The following UBAC1 variants were observed in gnomAD, a reference collection of about 807,000 sequenced individuals.
The protein encoded by UBAC1 is ubiquitin-associated domain-containing protein 1.
UBAC1 carries 27 observed loss-of-function variants against 45.9 expected under a neutral mutation model. The ratio of observed to expected loss-of-function variants is 0.59; its 90% CI spans 0.43 to 0.81. The LOEUF is 0.81. UBAC1 is among the 30% of genes least tolerant of loss of function. The pLI, the probability that UBAC1 is intolerant of heterozygous loss-of-function variation, is 0.00. For synonymous variants in UBAC1, 227 were observed against 215.5 expected, an observed-to-expected ratio of 1.05 and a Z score of -0.47; for missense variants, 529 against 539.2, an observed-to-expected ratio of 0.98 and a Z score of 0.19.
chr9:135,953,640 C>T (rs2131093082), intron 3 of UBAC1, 40 bp downstream of exon 3: 1 of 1,573,340 alleles, frequency 6.4e-7, no homozygotes, highest in Non-Finnish European at 8.7e-7. Context: ...ATGTAGACTT[C>T]TACCAACCAA....
chr9:135,939,790 G>A (rs1392751483), intron 7 of UBAC1, 31 bp from the exon 8 acceptor site: 4 of 1,595,234 alleles, frequency 2.5e-6, no homozygotes, highest in South Asian at 1.1e-5. Flanking sequence ...TAGCTCGCTG[G>A]GGGCGGCAGG....
intron 9 of UBAC1, among the ~76,000 whole-genome samples, chr9:135,934,672 TAAAAATCCCAG>T (rs1839183732): frequency 6.6e-6 from 1 of 151,754 alleles, no homozygotes; most frequent in Non-Finnish European, 1.5e-5. Flanking sequence ...AAAATAAAAA[TAAAAATCCCAG>T]AAAAAGACTC....
At chr9:135,953,787 G>T (rs757465241) in intron 2 of UBAC1, 34 bp from the exon 3 acceptor site, 49 of 1,586,020 alleles carry the variant, frequency 3.1e-5, no homozygotes, top group Non-Finnish European at 4.2e-5. Flanking sequence ...CAACACACTG[G>T]TTATCACTTC....
chr9:135,937,283 T>C lies in UBAC1; in HGVS notation c.1102+939A>G, dbSNP rs567929648. 4.6e-5 allele frequency among the ~76,000 whole-genome samples: 7 copies of C among 151,544 alleles called. No individual in the cohort carries two copies. In the East Asian group the frequency reaches 1.4e-3, roughly 30 times the overall value. On this transcript the variant is annotated intron_variant, in intron 9 of 9. Coordinates refer to ENST00000371756, the MANE Select transcript of UBAC1 (RefSeq NM_016172.3). ...ATGGTGAAAGCCGTCTCTACTAAAA[T>C]ACGAAAAATTAGCCAGGCGTGGTAG...
chr9:135,939,640 G>A (rs752808556), intron 8 of UBAC1, 33 bp downstream of exon 8: 2 of 1,597,594 alleles, frequency 1.3e-6, no homozygotes, highest in African/African-American at 1.3e-5. Flanking sequence ...ACTCACCACA[G>A]CCCACACTCA....
intron 1 of UBAC1, among the ~76,000 whole-genome samples, chr9:135,959,127 G>A (rs893552092): frequency 5.3e-5 from 8 of 152,124 alleles, no homozygotes; most frequent in African/African-American, 1.9e-4. Flanking sequence ...TATCATGATG[G>A]CCATGCACAT....
At position 135,938,880 on chromosome 9, in the gene UBAC1, G is replaced by A. The variant is rs149006722; in HGVS notation, c.964-520C>T. Among the ~76,000 whole-genome samples, 1,173 of 152,340 alleles carry A rather than the reference G, an allele frequency of 7.7e-3. 16 individuals carry two copies. Among genetic ancestry groups the A allele is most frequent in the African/African-American group, 0.027 (1,104 of 41,582 alleles). On this transcript the variant is annotated intron_variant, in intron 8 of 9. Transcript: ENST00000371756. ...AGCTCCATCAGCCCAGCTGGCACAC[G>A]GGCACAGGACGGGAATCATTCTTGA...
chr9:135,933,315 A>AG lies in UBAC1; in HGVS notation c.*84dup. ...GTCCAGGGCTGAGGCGCTGAAGGTG[A>AG]GTTTCCAGGTGAGGTCCACTCTGCC... On this transcript the variant is annotated 3_prime_UTR_variant, in exon 10 of 10. Coordinates refer to ENST00000371756, the MANE Select transcript of UBAC1 (RefSeq NM_016172.3). 1.8e-6 allele frequency: 2 copies of AG among 1,082,796 alleles called. No homozygotes were observed. Among genetic ancestry groups the AG allele is most frequent in the South Asian group, 2.6e-5 (2 of 76,624 alleles). 67.1% of individuals were successfully genotyped at this position (1,082,796 alleles called of 1,614,324 possible). A position where few individuals can be genotyped will look rare whatever the true frequency, so the allele number is the denominator to read the frequency against.
chr9:135,954,793 G>A (rs1388793890), intron 2 of UBAC1, among the ~76,000 whole-genome samples: 3 of 152,178 alleles, frequency 2.0e-5, no homozygotes, highest in South Asian at 2.1e-4. Flanking sequence ...TCATCTCAGC[G>A]GATATCTGTT....
intron 9 of UBAC1, among the ~76,000 whole-genome samples, chr9:135,934,210 T>C (rs1344904513): frequency 6.6e-6 from 1 of 152,106 alleles, no homozygotes; most frequent in Non-Finnish European, 1.5e-5. Flanking sequence ...GGGACAGTGC[T>C]CACTACAGAA....
In UBAC1 at chr9:135,953,729, C is replaced by A. The variant is rs559087791; in HGVS notation, c.284G>T (p.Arg95Leu). ...DQDVLLLIKK[R>L]APSPLPKMAD... ...CATCTTGGGAAGTGGTGATGGAGCA[C>A]GCTTTTTTATCAATAATAGGACATC... The change falls in exon 3 of 10, where the codon CGT becomes CTT. Residue 95 changes from arginine (R) to leucine (L), a missense_variant. By Grantham distance (102) the Arg-to-Leu change is moderately radical. Transcript: ENST00000371756. 1 of 1,613,846 alleles carries A rather than the reference C, an allele frequency of 6.2e-7. No homozygotes were observed. The highest frequency in any genetic ancestry group is 8.5e-7 in the Non-Finnish European group (1 of 1,179,912).
At chr9:135,940,606 C>G (rs1039752181) in intron 7 of UBAC1, among the ~76,000 whole-genome samples, 84 of 150,724 alleles carry the variant, frequency 5.6e-4, no homozygotes, top group Non-Finnish European at 4.3e-4. Flanking sequence ...AATCCTAAAA[C>G]TAATTTTTTA....
At chr9:135,945,606 C>T (rs963277122) in intron 6 of UBAC1, 10 of 533,578 alleles carry the variant, frequency 1.9e-5, no homozygotes, top group African/African-American at 5.6e-5. Context: ...GTAACTCACA[C>T]GGGAATCCTG....
intron 4 of UBAC1, among the ~76,000 whole-genome samples, chr9:135,947,255 T>G (rs545715031): frequency 3.3e-4 from 47 of 144,182 alleles, no homozygotes; most frequent in African/African-American, 9.9e-4. Context: ...GATTTGTGTG[T>G]TTTTTTTTTT....
intron 5 of UBAC1, 130 bp downstream of exon 5, chr9:135,946,139 G>T: frequency 9.8e-7 from 1 of 1,017,980 alleles, no homozygotes; most frequent in African/African-American, 1.6e-5. Context: ...GGTGAGGCAG[G>T]CCCCAGGCCC....
chr9:135,936,960 C>T (rs1214266438), intron 9 of UBAC1, among the ~76,000 whole-genome samples: 3 of 152,220 alleles, frequency 2.0e-5, no homozygotes, highest in Admixed American at 1.3e-4. Context: ...GAGGTGAGGA[C>T]CTTTCTGAAT....
intron 7 of UBAC1, among the ~76,000 whole-genome samples, chr9:135,944,530 G>A (rs1321377080): frequency 6.6e-6 from 1 of 152,212 alleles, no homozygotes; most frequent in Admixed American, 6.5e-5. Flanking sequence ...GGGCGAGGAA[G>A]GTCCACACAC....
intron 9 of UBAC1, among the ~76,000 whole-genome samples, chr9:135,936,421 G>T (rs1241305253): frequency 6.6e-6 from 1 of 151,408 alleles, no homozygotes; most frequent in African/African-American, 2.4e-5. Flanking sequence ...TAAATTAAGA[G>T]AAACTTTTAA....
In UBAC1 at chr9:135,947,827, G is replaced by C; in HGVS notation, c.412C>G (p.Arg138Gly). The C allele has an allele frequency of 6.2e-7, 1 of 1,614,040 alleles. No individual in the cohort carries two copies. The highest frequency in any genetic ancestry group is 8.5e-7 in the Non-Finnish European group (1 of 1,179,982). Residue 138 changes from arginine (R) to glycine (G), a missense_variant, in exon 4 of 10, where the codon CGG (arginine) becomes GGG (glycine). Physicochemically the swap from Arg to Gly is moderately radical, Grantham distance 125. Coordinates refer to ENST00000371756, the MANE Select transcript of UBAC1 (RefSeq NM_016172.3). ...CTCATGTTGGTCTGGACCGCGGCCC[G>C]GTCCATGTTGTAGGAGGGCAGGTTG... The part of the protein sequence containing the change: ...TANLPSYNMD[R>G]AAVQTNMRDF...
Sources: gnomAD v4.1 joint callset for allele counts (sites outside exome capture counted in the v4.1 genomes callset) on GRCh38, gnomAD v4.1.1 for gene constraint, MANE v1.5 for transcripts, NCBI Gene and HGNC (gene_info 2026-07-23, HGNC 2026-07-21) for gene names.